The following DSCAM variants were observed in gnomAD, a reference collection of about 807,000 sequenced individuals.
DSCAM encodes cell adhesion molecule DSCAM.
In DSCAM, 47 loss-of-function variants were observed where a neutral mutation model predicts 217.7. The observed-to-expected ratio is 0.22, with a 90% CI of 0.17 to 0.28. The LOEUF (loss-of-function observed/expected upper bound fraction) is 0.28. DSCAM is among the 10% of genes least tolerant of loss of function. The pLI, the probability that DSCAM is intolerant of heterozygous loss-of-function variation, is 1.00. For missense variants in DSCAM, 2,080 were observed against 2,618.3 expected, an observed-to-expected ratio of 0.79 and a Z score of 4.49; for synonymous variants, 1,056 against 1,015.3, an observed-to-expected ratio of 1.04 and a Z score of -0.76.
intron 11 of DSCAM, among the ~76,000 whole-genome samples, chr21:40,214,476 C>T (rs1182014821): frequency 6.6e-6 from 1 of 152,048 alleles, no homozygotes; most frequent in Non-Finnish European, 1.5e-5. Flanking sequence ...CATTCCTTTT[C>T]CACTTGGAAA....
chr21:40,335,290 G>A (rs1427061638), intron 8 of DSCAM, among the ~76,000 whole-genome samples: 1 of 152,014 alleles, frequency 6.6e-6, no homozygotes, highest in East Asian at 1.9e-4. Context: ...TACTTGCAAA[G>A]GAGCTGACAA....
At chr21:40,369,021 A>G (rs1377634656) in intron 4 of DSCAM, 78 bp downstream of exon 4, 2 of 1,418,044 alleles carry the variant, frequency 1.4e-6, no homozygotes, top group East Asian at 5.0e-5. Context: ...GCAACACTCC[A>G]CAATTTTGAT....
At chr21:40,576,038 A>G (rs2146211751) in intron 3 of DSCAM, among the ~76,000 whole-genome samples, 1 of 152,328 alleles carries the variant, frequency 6.6e-6, no homozygotes, top group South Asian at 2.1e-4. Flanking sequence ...CATTTCTGGC[A>G]AGAGTTTAAG....
intron 10 of DSCAM, among the ~76,000 whole-genome samples, chr21:40,281,725 A>G (rs2123400061): frequency 6.6e-6 from 1 of 151,874 alleles, no homozygotes; most frequent in East Asian, 1.9e-4. Context: ...TTTTTTTTGT[A>G]TTTTTGTTTG....
intron 3 of DSCAM, among the ~76,000 whole-genome samples, chr21:40,513,873 A>G (rs1160289473): frequency 6.6e-6 from 1 of 152,222 alleles, no homozygotes; most frequent in Non-Finnish European, 1.5e-5. Context: ...AACAACAACA[A>G]CAAAAACAAG....
chr21:40,582,264 A>C (rs2076911242), intron 3 of DSCAM, among the ~76,000 whole-genome samples: 1 of 152,248 alleles, frequency 6.6e-6, no homozygotes, highest in Non-Finnish European at 1.5e-5. Context: ...ATAGTGTTTA[A>C]ATAATGAGAA....
intron 32 of DSCAM, among the ~76,000 whole-genome samples, chr21:40,015,429 T>C (rs1344354661): frequency 6.6e-6 from 1 of 151,738 alleles, no homozygotes; most frequent in Non-Finnish European, 1.5e-5. Flanking sequence ...TTTTTTTTTT[T>C]TTCTTTTTTA....
intron 3 of DSCAM, among the ~76,000 whole-genome samples, chr21:40,494,124 G>GAAGA (rs1315620589): frequency 6.6e-6 from 1 of 151,874 alleles, no homozygotes; most frequent in Non-Finnish European, 1.5e-5. Flanking sequence ...AGCAAGAGAG[G>GAAGA]AAGAAAGAAA....
chr21:40,691,403 C>T (rs889674437), intron 3 of DSCAM, among the ~76,000 whole-genome samples: 1 of 152,164 alleles, frequency 6.6e-6, no homozygotes, highest in Non-Finnish European at 1.5e-5. Context: ...CCAATTCTTC[C>T]ACTCCCTGAA....
intron 1 of DSCAM, among the ~76,000 whole-genome samples, chr21:40,754,272 T>G (rs1177451464): frequency 6.6e-6 from 1 of 152,196 alleles, no homozygotes; most frequent in Non-Finnish European, 1.5e-5. Context: ...TTTCTGCTAA[T>G]CATCACTCCC....
chr21:40,532,315 A>G (rs1338937902), intron 3 of DSCAM, among the ~76,000 whole-genome samples: 1 of 152,146 alleles, frequency 6.6e-6, no homozygotes, highest in Non-Finnish European at 1.5e-5. Flanking sequence ...AAATAAATAA[A>G]AGATCCATCT....
chr21:40,698,869 TAAAAAAAAAAA>T (rs56775350), intron 2 of DSCAM, among the ~76,000 whole-genome samples: 18 of 107,988 alleles, frequency 1.7e-4, no homozygotes, highest in South Asian at 9.2e-4. Context: ...GAATCCGTCT[TAAAAAAAAAAA>T]AAAAAAAAAA....
At chr21:40,814,664 T>C (rs572932308) in intron 1 of DSCAM, among the ~76,000 whole-genome samples, 5 of 152,226 alleles carry the variant, frequency 3.3e-5, no homozygotes, top group Non-Finnish European at 7.4e-5. Flanking sequence ...GAAAAGGATA[T>C]AATGGAAAAC....
chr21:40,098,661 G>T (rs1486952307), intron 20 of DSCAM, among the ~76,000 whole-genome samples: 1 of 152,158 alleles, frequency 6.6e-6, no homozygotes, highest in Non-Finnish European at 1.5e-5. Context: ...TTAAACAGGG[G>T]ATTTAAATCT....
chr21:40,621,983 A>G (rs940234948), intron 3 of DSCAM, among the ~76,000 whole-genome samples: 2 of 151,476 alleles, frequency 1.3e-5, no homozygotes, highest in African/African-American at 4.8e-5. Context: ...GAGGGGAAAA[A>G]AGAGAGAGAG....
intron 27 of DSCAM, among the ~76,000 whole-genome samples, chr21:40,067,417 A>G (rs531316767): frequency 5.9e-5 from 9 of 152,264 alleles, no homozygotes; most frequent in South Asian, 2.1e-4. Flanking sequence ...GAACCCTAAA[A>G]TGTTATCCTT....
intron 11 of DSCAM, among the ~76,000 whole-genome samples, chr21:40,211,209 T>C (rs2091180549): frequency 6.6e-6 from 1 of 152,240 alleles, no homozygotes; most frequent in Non-Finnish European, 1.5e-5. Context: ...TTCTTTTGAT[T>C]GCTGAATAGC....
chr21:40,047,298 A>G (rs1282083918), intron 30 of DSCAM, among the ~76,000 whole-genome samples: 4 of 152,208 alleles, frequency 2.6e-5, no homozygotes, highest in African/African-American at 7.2e-5. Flanking sequence ...TGGATTCCAC[A>G]GGAAGCCTTT....
chr21:40,177,875 CA>C (rs1450683777), intron 15 of DSCAM, among the ~76,000 whole-genome samples: 1 of 152,180 alleles, frequency 6.6e-6, no homozygotes, highest in Non-Finnish European at 1.5e-5. Context: ...AAAGTTGCAA[CA>C]AACCTCCGGT....
Sources: gnomAD v4.1 joint callset for allele counts (sites outside exome capture counted in the v4.1 genomes callset) on GRCh38, gnomAD v4.1.1 for gene constraint, MANE v1.5 for transcripts, NCBI Gene and HGNC (gene_info 2026-07-23, HGNC 2026-07-21) for gene names.